BNC2: variants seen among roughly 807,000 people sequenced by gnomAD.
BNC2 encodes the protein basonuclin zinc finger protein 2.
BNC2 carries 20 observed loss-of-function variants against 76.3 expected under a neutral mutation model. The ratio of observed to expected loss-of-function variants is 0.26; its 90% CI spans 0.18 to 0.38. BNC2 has a LOEUF of 0.38. Among genes scored for constraint, BNC2 ranks in the 10% least tolerant of loss-of-function variants. The pLI, the probability that BNC2 is intolerant of heterozygous loss-of-function variation, is 1.00. For synonymous variants in BNC2, 582 were observed against 514.8 expected, an observed-to-expected ratio of 1.13 and a Z score of -1.77; for missense variants, 1,382 against 1,399.8, an observed-to-expected ratio of 0.99 and a Z score of 0.20.
intron 3 of BNC2, among the ~76,000 whole-genome samples, chr9:16,602,379 T>C (rs1030875924): frequency 2.0e-5 from 3 of 152,294 alleles, no homozygotes; most frequent in Admixed American, 6.5e-5. Flanking sequence ...GTCCCAACAT[T>C]AGGTAAGGTG....
intron 3 of BNC2, among the ~76,000 whole-genome samples, chr9:16,635,589 C>G (rs1821299515): frequency 6.6e-6 from 1 of 152,042 alleles, no homozygotes; most frequent in South Asian, 2.1e-4. Flanking sequence ...GGACAGAGCT[C>G]AAATTAATAC....
intron 1 of BNC2, among the ~76,000 whole-genome samples, chr9:16,758,382 C>T (rs1481307360): frequency 6.6e-6 from 1 of 152,006 alleles, no homozygotes; most frequent in Non-Finnish European, 1.5e-5. Context: ...CTCTGTCGCC[C>T]AGGCTGGAGT....
intron 1 of BNC2, among the ~76,000 whole-genome samples, chr9:16,771,705 C>G (rs1825837645): frequency 6.6e-6 from 1 of 152,204 alleles, no homozygotes; most frequent in Non-Finnish European, 1.5e-5. Context: ...CAGTTACACT[C>G]TTACCATTTA....
intron 1 of BNC2, among the ~76,000 whole-genome samples, chr9:16,759,843 C>A (rs1174376493): frequency 6.6e-6 from 1 of 151,978 alleles, no homozygotes; most frequent in African/African-American, 2.4e-5. Flanking sequence ...CTTGCCTCAG[C>A]CTCCCGAGTA....
chr9:16,436,044 T>C lies in BNC2; in HGVS notation c.2150A>G (p.Glu717Gly), dbSNP rs1316201793. ...CTCGTTCTCATAGTCCCGCTCAGGT[T>C]CTTGGTCTTCAGAAGTCATGCTGTC... Reference protein sequence around the residue: ...RADSMTSEDQEPERDYENESE... With the variant: ...RADSMTSEDQGPERDYENESE... Residue 717 changes from glutamate (E) to glycine (G), a missense_variant, in exon 6 of 7, where the codon GAA (glutamate) becomes GGA (glycine). Around this residue, in one of 3 missense-constraint regions of BNC2, gnomAD observed 798 missense variants for 775.5 expected, o/e 1.03. Transcript: ENST00000380672. 6.2e-7 allele frequency: 1 copy of C among 1,614,048 alleles called. No homozygotes were observed. The highest frequency in any genetic ancestry group is 2.2e-5 in the East Asian group (1 of 44,868).
At chr9:16,606,354 T>A (rs1820384290) in intron 3 of BNC2, among the ~76,000 whole-genome samples, 1 of 150,894 alleles carries the variant, frequency 6.6e-6, no homozygotes. Context: ...CATTCAATTT[T>A]ATTTATTAAT....
chr9:16,850,422 G>A (rs1819102230), intron 1 of BNC2, among the ~76,000 whole-genome samples: 1 of 152,142 alleles, frequency 6.6e-6, no homozygotes, highest in African/African-American at 2.4e-5. Context: ...ACTAGTGGGA[G>A]GAAAGAATCA....
chr9:16,751,074 A>T (rs1329777081), intron 1 of BNC2, among the ~76,000 whole-genome samples: 1 of 152,166 alleles, frequency 6.6e-6, no homozygotes, highest in Non-Finnish European at 1.5e-5. Flanking sequence ...TATATCTGTC[A>T]TCCCAGAATT....
chr9:16,856,438 TTTC>T (rs1819260235), intron 1 of BNC2, among the ~76,000 whole-genome samples: 1 of 152,088 alleles, frequency 6.6e-6, no homozygotes, highest in South Asian at 2.1e-4. Flanking sequence ...AGCGAAAATA[TTTC>T]TTATTTATTT....
intron 1 of BNC2, among the ~76,000 whole-genome samples, chr9:16,858,705 G>A (rs562563921): frequency 3.5e-5 from 5 of 144,082 alleles, no homozygotes; most frequent in Admixed American, 6.9e-5. Context: ...AATTAGCCAG[G>A]CATGGTGGCG....
intron 1 of BNC2, among the ~76,000 whole-genome samples, chr9:16,855,675 C>T (rs887311067): frequency 6.6e-6 from 1 of 151,934 alleles, no homozygotes; most frequent in Non-Finnish European, 1.5e-5. Flanking sequence ...GTAGCTGGGA[C>T]TACAGGCGCC....
chr9:16,533,729 G>A (rs1239200654), intron 5 of BNC2, among the ~76,000 whole-genome samples: 1 of 152,048 alleles, frequency 6.6e-6, no homozygotes, highest in African/African-American at 2.4e-5. Context: ...ACTGCTATTT[G>A]TAAATCACAT....
chr9:16,619,727 G>C (rs1820810412), intron 3 of BNC2, among the ~76,000 whole-genome samples: 1 of 152,088 alleles, frequency 6.6e-6, no homozygotes, highest in Non-Finnish European at 1.5e-5. Context: ...TGATTACCCT[G>C]AGTAAAAGGA....
At chr9:16,726,559 T>TA (rs35579154) in intron 3 of BNC2, among the ~76,000 whole-genome samples, 8,091 of 102,268 alleles carry the variant, frequency 0.079, 271 homozygotes, top group Non-Finnish European at 0.11. Context: ...AAAAGCTTTT[T>TA]AAAAAAAAAA....
chr9:16,813,180 A>G (rs548023685), intron 1 of BNC2, among the ~76,000 whole-genome samples: 1 of 152,284 alleles, frequency 6.6e-6, no homozygotes, highest in East Asian at 1.9e-4. Context: ...CCTCGGACAG[A>G]GCGAGACTCC....
At chr9:16,803,109 T>C (rs767851908) in intron 1 of BNC2, among the ~76,000 whole-genome samples, 1 of 152,242 alleles carries the variant, frequency 6.6e-6, no homozygotes, top group East Asian at 1.9e-4. Flanking sequence ...TCCTAAACAT[T>C]TGGACTTGCA....
At chr9:16,831,532 G>A (rs1014972279) in intron 1 of BNC2, among the ~76,000 whole-genome samples, 1 of 152,166 alleles carries the variant, frequency 6.6e-6, no homozygotes, top group East Asian at 1.9e-4. Context: ...CAAAATAATG[G>A]TTTTTCAGTG....
chr9:16,682,507 C>G (rs958396376), intron 3 of BNC2, among the ~76,000 whole-genome samples: 1 of 151,932 alleles, frequency 6.6e-6, no homozygotes, highest in Non-Finnish European at 1.5e-5. Context: ...ACTAAACAAG[C>G]CTGATCACGG....
chr9:16,523,876 A>AG (rs1394568518), intron 5 of BNC2, among the ~76,000 whole-genome samples: 8 of 152,224 alleles, frequency 5.3e-5, no homozygotes, highest in African/African-American at 1.9e-4. Context: ...CAGTGAACTG[A>AG]GATCGTCCAG....
Sources: allele counts gnomAD v4.1 joint callset (sites outside exome capture counted in the v4.1 genomes callset), GRCh38; gene constraint gnomAD v4.1.1; regional missense constraint gnomAD v4.1.1; transcripts MANE v1.5; gene names NCBI Gene and HGNC (gene_info 2026-07-23, HGNC 2026-07-21).